NCOR1: variants seen among roughly 807,000 people sequenced by gnomAD.
NCOR1 encodes nuclear receptor corepressor 1.
NCOR1 carries 63 observed loss-of-function variants against 288.1 expected under a neutral mutation model. The observed-to-expected ratio is 0.22, with a 90% CI of 0.18 to 0.27. The LOEUF (loss-of-function observed/expected upper bound fraction) is 0.27, where lower values mean the gene tolerates loss of function less well. Among genes scored for constraint, NCOR1 ranks in the 10% least tolerant of loss-of-function variants. The pLI is 1.00. For missense variants in NCOR1, 2,397 were observed against 3,019.2 expected, an observed-to-expected ratio of 0.79 and a Z score of 4.83; for synonymous variants, 1,007 against 1,065.9, an observed-to-expected ratio of 0.94 and a Z score of 1.08.
At chr17:16,064,308 A>G in intron 34 of NCOR1, 121 bp from the exon 35 acceptor site, 2 of 1,351,356 alleles carry the variant, frequency 1.5e-6, no homozygotes, top group South Asian at 1.4e-5. Flanking sequence ...GGATATAAGA[A>G]GTTTGTTTTG....
intron 5 of NCOR1, among the ~76,000 whole-genome samples, chr17:16,159,135 C>T (rs1021163114): frequency 6.6e-6 from 1 of 151,740 alleles, no homozygotes; most frequent in Non-Finnish European, 1.5e-5. Context: ...AATTCTGGGC[C>T]GGGTGCAGTG....
At chr17:16,061,265 C>G in intron 37 of NCOR1, 136 bp downstream of exon 37, 1 of 1,078,400 alleles carries the variant, frequency 9.3e-7, no homozygotes, top group South Asian at 1.6e-5. Context: ...ATAAAAACAG[C>G]AGAAGATACA....
chr17:16,081,738 T>C (rs2063442959), intron 23 of NCOR1, among the ~76,000 whole-genome samples: 1 of 152,220 alleles, frequency 6.6e-6, no homozygotes, highest in African/African-American at 2.4e-5. Flanking sequence ...ACTTCTCCAC[T>C]GCCTGAGACA....
At chr17:16,165,834 A>G (rs2081912521) in intron 4 of NCOR1, among the ~76,000 whole-genome samples, 1 of 152,212 alleles carries the variant, frequency 6.6e-6, no homozygotes, top group African/African-American at 2.4e-5. Flanking sequence ...TCCAACACAC[A>G]TCCACACACA....
intron 6 of NCOR1, among the ~76,000 whole-genome samples, chr17:16,157,502 T>C (rs892261525): frequency 7.2e-5 from 11 of 152,206 alleles, no homozygotes; most frequent in African/African-American, 2.7e-4. Flanking sequence ...CAGGAGTACA[T>C]GTGCATAAAT....
intron 45 of NCOR1, 95 bp from the exon 46 acceptor site, chr17:16,032,578 T>G: frequency 8.1e-7 from 1 of 1,235,428 alleles, no homozygotes; most frequent in Non-Finnish European, 1.1e-6. Context: ...AGGATTATTG[T>G]AAAATGGTCA....
chr17:16,093,131 G>C (rs1377180448), intron 21 of NCOR1, among the ~76,000 whole-genome samples: 2 of 152,110 alleles, frequency 1.3e-5, no homozygotes, highest in Non-Finnish European at 2.9e-5. Context: ...AACTCCACTT[G>C]GGATATCTCA....
rs1372421910 is a variant in NCOR1 at position 16,047,093 on chromosome 17, C to A, written c.6537G>T (p.Arg2179Ser). 1.2e-6 allele frequency: 2 copies of A among 1,610,110 alleles called. No individual in the cohort carries two copies. The highest frequency in any genetic ancestry group is 2.2e-5 in the South Asian group (2 of 90,374). The change falls in exon 42 of 46, where the codon AGG becomes AGT. Residue 2179 changes from arginine (R) to serine (S), a missense_variant and splice_region_variant. Arg to Ser is a moderately radical substitution (Grantham distance 110). This residue lies in a region of NCOR1 where 1,872 missense variants were observed against 2,187.8 expected (regional missense o/e 0.86). Transcript: ENST00000268712. ...TACTCCCTGGTGAGCGGGCATCATT[C>A]CTGTTAGGGCCAAAGTTAAGTATAT... is the stretch of plus-strand genomic sequence containing the variant. Reference protein sequence around the residue: ...SQRGAEPAEQRNDARSPGSIS... With the variant: ...SQRGAEPAEQSNDARSPGSIS...
intron 37 of NCOR1, among the ~76,000 whole-genome samples, chr17:16,060,217 A>G (rs2060398709): frequency 6.6e-6 from 1 of 152,228 alleles, no homozygotes; most frequent in African/African-American, 2.4e-5. Context: ...CAGTGATAAA[A>G]AAGATAACCA....
Position 16,038,747 on chromosome 17 carries a change from A to ATTATT in NCOR1, c.6955+681_6955+685dup, listed in dbSNP as rs111445241. Among the ~76,000 whole-genome samples, 1,259 of 150,796 alleles carry ATTATT rather than the reference A, an allele frequency of 8.3e-3. 15 individuals carry two copies. The highest frequency in any genetic ancestry group is 0.03 in the African/African-American group (1,211 of 40,970). ...TCCTACTCTTTTTTTATGGCTTACG[A>ATTATT]TTATTTTATTTTATTGTGTGTGTCT... On this transcript the variant is annotated intron_variant, in intron 44 of 45. Coordinates refer to ENST00000268712, the MANE Select transcript of NCOR1 (RefSeq NM_006311.4).
rs528708723 is a variant in NCOR1, at chr17:16,127,350, T to C, written c.1510-1144A>G. Among the ~76,000 whole-genome samples the C allele has an allele frequency of 3.5e-5, 5 of 141,622 alleles. 1 individual carries two copies. Among genetic ancestry groups the C allele is most frequent in the South Asian group, 2.1e-4 (1 of 4,682 alleles). 92.9% of individuals were successfully genotyped at this position (141,622 alleles called of 152,430 possible). On this transcript the variant is annotated intron_variant, in intron 14 of 45. Transcript: ENST00000268712. ...GTATGTATATATACATGTATGTATA[T>C]ATGTATGTATATATACATGTATGTA...
chr17:16,153,207 C>T (rs1431429584), intron 7 of NCOR1, 132 bp downstream of exon 7: 7 of 604,160 alleles, frequency 1.2e-5, no homozygotes, highest in Non-Finnish European at 5.7e-6. Context: ...TAAACTTCAT[C>T]TCAAGCTACA....
rs1972092572 is a variant in NCOR1 at position 16,032,000 on chromosome 17, T to C, written c.*296A>G. 3 of 365,906 alleles carry C rather than the reference T, an allele frequency of 8.2e-6. No homozygotes were observed. The highest frequency in any genetic ancestry group is 9.8e-5 in the Admixed American group (2 of 20,414). 22.7% of individuals were successfully genotyped at this position (365,906 alleles called of 1,614,324 possible). On this transcript the variant is annotated 3_prime_UTR_variant, in exon 46 of 46. Coordinates refer to ENST00000268712, the MANE Select transcript of NCOR1 (RefSeq NM_006311.4). Reference sequence around the variant, plus strand: ...GAGTGATTTAAAGACATTATGGTTTTCTTTACAGATGTAAGAACAGCAACT... The same window carrying C: ...GAGTGATTTAAAGACATTATGGTTTCCTTTACAGATGTAAGAACAGCAACT...
intron 42 of NCOR1, among the ~76,000 whole-genome samples, chr17:16,041,957 T>C (rs200946981): frequency 8.7e-4 from 132 of 152,084 alleles, no homozygotes; most frequent in Non-Finnish European, 1.6e-3. Context: ...AGGATGGTCT[T>C]GATCTCCTGA....
chr17:16,130,846 G>C (rs1281120243), intron 14 of NCOR1, among the ~76,000 whole-genome samples: 2 of 146,906 alleles, frequency 1.4e-5, no homozygotes, highest in Non-Finnish European at 3.0e-5. Context: ...ACCACACCTG[G>C]CTAATTTTTT....
intron 1 of NCOR1, among the ~76,000 whole-genome samples, chr17:16,210,149 T>C (rs1198750348): frequency 6.6e-6 from 1 of 151,978 alleles, no homozygotes; most frequent in Non-Finnish European, 1.5e-5. Flanking sequence ...TTTGGGAGGC[T>C]GAGGCGGGAG....
intron 19 of NCOR1, among the ~76,000 whole-genome samples, chr17:16,104,729 G>A (rs1417273927): frequency 2.0e-5 from 3 of 152,190 alleles, no homozygotes; most frequent in Non-Finnish European, 2.9e-5. Context: ...CTGTGTTCAC[G>A]CTGGTACACT....
intron 26 of NCOR1, among the ~76,000 whole-genome samples, chr17:16,078,536 C>G (rs985661901): frequency 6.6e-6 from 1 of 152,044 alleles, no homozygotes; most frequent in Non-Finnish European, 1.5e-5. Flanking sequence ...AAAGTATTAG[C>G]TTGCTGTTAA....
intron 3 of NCOR1, among the ~76,000 whole-genome samples, chr17:16,175,865 C>T (rs2084059396): frequency 6.6e-6 from 1 of 150,492 alleles, no homozygotes; most frequent in South Asian, 2.1e-4. Flanking sequence ...GGGTTTATGG[C>T]TAACTACCAA....
Sources: gnomAD v4.1 joint callset for allele counts (sites outside exome capture counted in the v4.1 genomes callset) on GRCh38, gnomAD v4.1.1 for gene constraint, gnomAD v4.1.1 regional missense constraint, MANE v1.5 for transcripts, NCBI Gene and HGNC (gene_info 2026-07-23, HGNC 2026-07-21) for gene names.